DIP2C: variants seen among roughly 807,000 people sequenced by gnomAD.
DIP2C encodes the protein DIP2 acetate--CoA ligase C (putative).
In DIP2C, 33 loss-of-function variants were observed where a neutral mutation model predicts 192.4. The ratio of observed to expected loss-of-function variants is 0.17; its 90% CI spans 0.13 to 0.23. The LOEUF is 0.23. Among genes scored for constraint, DIP2C ranks in the 10% least tolerant of loss-of-function variants. DIP2C has a pLI of 1.00. For missense variants in DIP2C, 1,537 were observed against 2,110.1 expected, an observed-to-expected ratio of 0.73 and a Z score of 5.32; for synonymous variants, 979 against 864.1, an observed-to-expected ratio of 1.13 and a Z score of -2.33.
intron 3 of DIP2C, among the ~76,000 whole-genome samples, chr10:458,834 G>A (rs1475736840): frequency 2.0e-5 from 3 of 152,122 alleles, no homozygotes; most frequent in Admixed American, 6.6e-5. Flanking sequence ...GCAGGGCACA[G>A]CAGAGTGCTC....
intron 1 of DIP2C, among the ~76,000 whole-genome samples, chr10:660,754 A>G (rs1856706238): frequency 6.6e-6 from 1 of 152,228 alleles, no homozygotes; most frequent in Non-Finnish European, 1.5e-5. Flanking sequence ...ACATTCTCCT[A>G]GCATCAAGAG....
At chr10:277,886 T>C (rs1355022138) in intron 36 of DIP2C, among the ~76,000 whole-genome samples, 2 of 152,254 alleles carry the variant, frequency 1.3e-5, no homozygotes, top group African/African-American at 2.4e-5. Context: ...TGTGTTCCAG[T>C]GCTGCCTCTT....
intron 8 of DIP2C, among the ~76,000 whole-genome samples, chr10:412,750 T>C (rs543852602): frequency 6.6e-6 from 1 of 152,144 alleles, no homozygotes; most frequent in African/African-American, 2.4e-5. Flanking sequence ...ATGGCTAATG[T>C]AGAAATCAAT....
chr10:472,531 G>A lies in DIP2C; in HGVS notation c.176C>T (p.Pro59Leu), dbSNP rs770460284. Reference protein sequence around the residue: ...PQPPRVDQALPQERRAPVTPS... With the variant: ...PQPPRVDQALLQERRAPVTPS... ...AGTGACAGGAGCCCGGCGTTCTTGC[G>A]GCAAAGCTTGGTCCACCCCTGGATT... The change falls in exon 3 of 37, where the codon CCG (proline) becomes CTG (leucine). Residue 59 changes from proline to leucine, a missense_variant. This residue lies in a region of DIP2C where 473 missense variants were observed against 539.6 expected (regional missense o/e 0.88). Transcript: ENST00000280886. 9.9e-6 allele frequency: 16 copies of A among 1,614,002 alleles called. No individual in the cohort carries two copies. The highest frequency in any genetic ancestry group is 2.2e-5 in the East Asian group (1 of 44,894).
intron 4 of DIP2C, among the ~76,000 whole-genome samples, chr10:440,161 T>C (rs1342554519): frequency 2.0e-5 from 3 of 152,216 alleles, no homozygotes; most frequent in South Asian, 2.1e-4. Context: ...TGGGTAGTTA[T>C]GTAAAATTCA....
chr10:506,536 T>C (rs115134886), intron 1 of DIP2C, among the ~76,000 whole-genome samples: 11 of 152,190 alleles, frequency 7.2e-5, no homozygotes, highest in African/African-American at 2.4e-4. Context: ...ATCTCAAATG[T>C]GATGGGGACG....
chr10:305,982 T>C, intron 32 of DIP2C, among the ~76,000 whole-genome samples: 1 of 149,990 alleles, frequency 6.7e-6, no homozygotes, highest in South Asian at 2.2e-4. Flanking sequence ...AATATATATA[T>C]ATATATATAT....
At chr10:391,511 C>G (rs1963454479) in intron 10 of DIP2C, among the ~76,000 whole-genome samples, 1 of 152,242 alleles carries the variant, frequency 6.6e-6, no homozygotes. Context: ...GAAGGTCAGA[C>G]CTGAACAGAC....
At chr10:623,187 G>A (rs1423893352) in intron 1 of DIP2C, among the ~76,000 whole-genome samples, 8 of 151,886 alleles carry the variant, frequency 5.3e-5, no homozygotes, top group African/African-American at 1.4e-4. Context: ...GAGGGGGCAC[G>A]GAGGCAGCAC....
chr10:445,255 A>G (rs531504287), intron 3 of DIP2C, among the ~76,000 whole-genome samples: 120 of 150,474 alleles, frequency 8.0e-4, no homozygotes, highest in African/African-American at 2.6e-3. Flanking sequence ...CTCATGGCCC[A>G]TGGGGCATCT....
intron 17 of DIP2C, among the ~76,000 whole-genome samples, chr10:371,270 T>C (rs990450081): frequency 2.0e-5 from 3 of 152,144 alleles, no homozygotes; most frequent in Admixed American, 6.5e-5. Context: ...CTTCAGCATC[T>C]GCTGTGGGTT....
intron 1 of DIP2C, among the ~76,000 whole-genome samples, chr10:672,119 A>G (rs540248982): frequency 6.7e-6 from 1 of 150,156 alleles, no homozygotes; most frequent in South Asian, 2.2e-4. Flanking sequence ...GCACGGAGGG[A>G]GGAAACGTCA....
In DIP2C at chr10:345,059, G is replaced by A. The variant is rs756710051; in HGVS notation, c.3283C>T (p.Arg1095Trp). The A allele has an allele frequency of 3.0e-5, 49 of 1,613,410 alleles. No individual in the cohort carries two copies. Among genetic ancestry groups the A allele is most frequent in the South Asian group, 5.5e-5 (5 of 90,940 alleles). Reference sequence around the variant, plus strand: ...ACAGCCGCCGCCGCCTCCCTGGACCGCAGCAACTTACAGATCAGCTGTGTC... The same window carrying A: ...ACAGCCGCCGCCGCCTCCCTGGACCACAGCAACTTACAGATCAGCTGTGTC... ...MTTQLICKLL[R>W]SREAAAAVDV... Residue 1095 changes from arginine to tryptophan, a missense_variant, in exon 27 of 37, where the codon CGG becomes TGG. Arg to Trp is a moderately radical substitution (Grantham distance 101, BLOSUM62 -3). This residue lies in a region of DIP2C where 677 missense variants were observed against 989.9 expected (regional missense o/e 0.68). Coordinates refer to ENST00000280886, the MANE Select transcript of DIP2C (RefSeq NM_014974.3).
chr10:418,304 G>T (rs560789856), intron 6 of DIP2C, among the ~76,000 whole-genome samples: 2 of 150,698 alleles, frequency 1.3e-5, no homozygotes, highest in Non-Finnish European at 1.5e-5. Context: ...GTCGGAGCTC[G>T]GATAGGCCTC....
intron 1 of DIP2C, among the ~76,000 whole-genome samples, chr10:634,428 G>A (rs1177327084): frequency 6.6e-6 from 1 of 152,230 alleles, no homozygotes; most frequent in African/African-American, 2.4e-5. Flanking sequence ...AGAATGAGGT[G>A]GTTTCAGGTT....
At chr10:345,280 G>C in intron 26 of DIP2C, 170 bp from the exon 27 acceptor site, 1 of 731,424 alleles carries the variant, frequency 1.4e-6, no homozygotes, top group Admixed American at 2.0e-5. Flanking sequence ...TAGGAGTCTA[G>C]TTGTGGAGGC....
chr10:337,408 CTG>C (rs1296515709), intron 29 of DIP2C, among the ~76,000 whole-genome samples: 7 of 111,994 alleles, frequency 6.3e-5, no homozygotes, highest in East Asian at 6.2e-4. Context: ...GCCTACGTAG[CTG>C]TGTGTGTGTG....
chr10:491,573 C>T (rs1336065596), intron 1 of DIP2C, among the ~76,000 whole-genome samples: 1 of 152,232 alleles, frequency 6.6e-6, no homozygotes, highest in Non-Finnish European at 1.5e-5. Flanking sequence ...GATGTCCTCT[C>T]ACCCCAGCAA....
intron 2 of DIP2C, chr10:484,774 C>G: frequency 6.2e-7 from 1 of 1,609,648 alleles, no homozygotes; most frequent in Non-Finnish European, 8.5e-7. Context: ...AGCAAAGCAG[C>G]GCTCACCGAA....
Sources: allele counts gnomAD v4.1 joint callset (sites outside exome capture counted in the v4.1 genomes callset), GRCh38; gene constraint gnomAD v4.1.1; regional missense constraint gnomAD v4.1.1; transcripts MANE v1.5; gene names NCBI Gene and HGNC (gene_info 2026-07-23, HGNC 2026-07-21).